The following L3MBTL4 variants were observed in gnomAD, a reference collection of about 807,000 sequenced individuals.
The protein encoded by L3MBTL4 is lethal(3)malignant brain tumor-like protein 4.
In L3MBTL4, 70 loss-of-function variants were observed where a neutral mutation model predicts 84.5. The ratio of observed to expected loss-of-function variants is 0.83; its 90% CI spans 0.68 to 1.01. The LOEUF is 1.01. L3MBTL4 is among the 50% of genes least tolerant of loss of function. The pLI is 0.00. For missense variants in L3MBTL4, 715 were observed against 754.8 expected (o/e 0.95, Z 0.62); for synonymous variants, 274 against 259.8 (o/e 1.05, Z -0.52).
intron 13 of L3MBTL4, 113 bp from the exon 14 acceptor site, chr18:6,138,409 C>T (rs1475065407): frequency 2.6e-5 from 16 of 625,282 alleles, no homozygotes; most frequent in Middle Eastern, 5.1e-4. Context: ...CAAACCATCA[C>T]CAAAAACCAC....
intron 12 of L3MBTL4, among the ~76,000 whole-genome samples, chr18:6,191,095 A>C (rs1210229781): frequency 1.3e-5 from 2 of 152,172 alleles, no homozygotes; most frequent in African/African-American, 4.8e-5. Flanking sequence ...TTTTGCGTAA[A>C]GGCACAAAGA....
chr18:6,171,707 T>C, intron 13 of L3MBTL4, 121 bp downstream of exon 13: 1 of 552,580 alleles, frequency 1.8e-6, no homozygotes, highest in Non-Finnish European at 3.2e-6. Context: ...GTAGCTGTAG[T>C]GATTAATTCG....
At chr18:5,974,397 G>A (rs2052797493) in intron 16 of L3MBTL4, among the ~76,000 whole-genome samples, 3 of 150,180 alleles carry the variant, frequency 2.0e-5, no homozygotes, top group Admixed American at 2.0e-4. Context: ...CATCTCCAAA[G>A]AAAAGTCATT....
At chr18:6,371,612 A>G (rs1237328696) in intron 1 of L3MBTL4, among the ~76,000 whole-genome samples, 1 of 152,154 alleles carries the variant, frequency 6.6e-6, no homozygotes, top group African/African-American at 2.4e-5. Flanking sequence ...TGGCCTTACA[A>G]TTCCCGCCCC....
chr18:6,225,656 A>G (rs2145929722), intron 10 of L3MBTL4, among the ~76,000 whole-genome samples: 1 of 151,524 alleles, frequency 6.6e-6, no homozygotes, highest in South Asian at 2.1e-4. Flanking sequence ...GCTACTCAGG[A>G]GGCTGAGGTG....
intron 16 of L3MBTL4, chr18:6,031,956 C>A: frequency 1.9e-6 from 1 of 513,758 alleles, no homozygotes; most frequent in Non-Finnish European, 2.5e-6. Context: ...GGAATTTCTC[C>A]ACCCTTTCCA....
At chr18:6,103,579 T>A (rs1443026108) in intron 14 of L3MBTL4, among the ~76,000 whole-genome samples, 1 of 152,224 alleles carries the variant, frequency 6.6e-6, no homozygotes, top group East Asian at 1.9e-4. Context: ...ATTCATGAAT[T>A]AAAAGTATGC....
At chr18:6,028,222 T>G (rs138419135) in intron 16 of L3MBTL4, among the ~76,000 whole-genome samples, 4,983 of 152,248 alleles carry the variant, frequency 0.033, 131 homozygotes, top group Non-Finnish European at 0.043. Flanking sequence ...TTGTATAAGG[T>G]GTAAGGAAGG....
intron 5 of L3MBTL4, among the ~76,000 whole-genome samples, chr18:6,251,779 G>T (rs2047933883): frequency 6.6e-6 from 1 of 152,110 alleles, no homozygotes; most frequent in Non-Finnish European, 1.5e-5. Flanking sequence ...ATCCCCAGCT[G>T]CCAAAAGTGT....
At chr18:6,155,302 T>C (rs866789678) in intron 13 of L3MBTL4, among the ~76,000 whole-genome samples, 1 of 152,136 alleles carries the variant, frequency 6.6e-6, no homozygotes. Flanking sequence ...TTCTAAAGAA[T>C]GCTATAGAGT....
chr18:6,400,396 A>C (rs1199642063), intron 1 of L3MBTL4, among the ~76,000 whole-genome samples: 1 of 152,120 alleles, frequency 6.6e-6, no homozygotes, highest in Non-Finnish European at 1.5e-5. Context: ...AGAGTGACCA[A>C]AAATCCATGG....
In L3MBTL4 at chr18:6,185,999, T is replaced by TTTATTTTA. The variant is rs1216629091; in HGVS notation, c.982-14058_982-14057insTAAAATAA. On this transcript the variant is annotated intron_variant, in intron 12 of 18. Transcript: ENST00000317931. ...ATTTTATTTTATTTTATTTTATTAT[T>TTTATTTTA]TTATATTTTATTTTATTTTATTTTA... Among the ~76,000 whole-genome samples, 171 of 128,538 alleles carry TTTATTTTA rather than the reference T, an allele frequency of 1.3e-3. 4 individuals are homozygous for TTTATTTTA. Among genetic ancestry groups the TTTATTTTA allele is most frequent in the African/African-American group, 6.5e-3 (165 of 25,244 alleles). 84.3% of individuals were successfully genotyped at this position (128,538 alleles called of 152,430 possible). A position where few individuals can be genotyped will look rare whatever the true frequency, so the allele number is the denominator to read the frequency against.
chr18:6,381,979 G>A (rs1440762294), intron 1 of L3MBTL4, among the ~76,000 whole-genome samples: 3 of 152,074 alleles, frequency 2.0e-5, no homozygotes. Flanking sequence ...AATCAAACAT[G>A]GATTTGCTCT....
chr18:6,042,885 C>A (rs1411535383), intron 16 of L3MBTL4, among the ~76,000 whole-genome samples: 1 of 152,212 alleles, frequency 6.6e-6, no homozygotes, highest in Middle Eastern at 3.2e-3. Context: ...TGCTACTTGA[C>A]ATTTCCTCTT....
intron 10 of L3MBTL4, among the ~76,000 whole-genome samples, chr18:6,218,967 G>A (rs1371089049): frequency 6.6e-6 from 1 of 152,102 alleles, no homozygotes; most frequent in East Asian, 1.9e-4. Context: ...ACCGCCCCAT[G>A]GAACAAGAAC....
chr18:6,287,259 A>G (rs1360355606), intron 4 of L3MBTL4, among the ~76,000 whole-genome samples: 1 of 152,146 alleles, frequency 6.6e-6, no homozygotes, highest in Non-Finnish European at 1.5e-5. Context: ...GTTTTTCTTT[A>G]AACTAAAAGA....
intron 5 of L3MBTL4, chr18:6,260,274 T>C (rs2048341345): frequency 4.6e-5 from 7 of 152,344 alleles, no homozygotes; most frequent in Admixed American, 4.6e-4. Flanking sequence ...GGCTCTTTTT[T>C]AGTTCCTTGT....
chr18:6,037,794 CCTT>C (rs1568016750), intron 16 of L3MBTL4, among the ~76,000 whole-genome samples: 1 of 152,136 alleles, frequency 6.6e-6, no homozygotes, highest in Non-Finnish European at 1.5e-5. Flanking sequence ...TTTACTCTGT[CCTT>C]CTGCATAATG....
chr18:6,113,807 C>T lies in L3MBTL4; in HGVS notation c.1200-20279G>A, dbSNP rs576571521. On this transcript the variant is annotated intron_variant, in intron 14 of 18. Transcript: ENST00000317931. ...ACTTTTTCAAACACTGGATATTGAA[C>T]GCCCAGTAACACCAATAATGAAACA... Among the ~76,000 whole-genome samples, 75 of 152,242 alleles carry T rather than the reference C, an allele frequency of 4.9e-4. 1 individual carries two copies. Among genetic ancestry groups the T allele is most frequent in the African/African-American group, 1.6e-3 (66 of 41,524 alleles).
Sources: allele counts gnomAD v4.1 joint callset (sites outside exome capture counted in the v4.1 genomes callset), GRCh38; gene constraint gnomAD v4.1.1; transcripts MANE v1.5; gene names NCBI Gene and HGNC (gene_info 2026-07-23, HGNC 2026-07-21).